DCC: variants seen among roughly 807,000 people sequenced by gnomAD.
DCC encodes netrin receptor DCC.
DCC carries 58 observed loss-of-function variants against 172.5 expected under a neutral mutation model. The observed-to-expected ratio is 0.34, with a 90% CI of 0.27 to 0.42. The LOEUF (loss-of-function observed/expected upper bound fraction) is 0.42, where lower values mean the gene tolerates loss of function less well. Among genes scored for constraint, DCC ranks in the 10% least tolerant of loss-of-function variants. DCC has a pLI of 1.00. For synonymous variants in DCC, 709 were observed against 644.5 expected, an observed-to-expected ratio of 1.10 and a Z score of -1.52; for missense variants, 1,740 against 1,791.0, an observed-to-expected ratio of 0.97 and a Z score of 0.51.
At chr18:53,165,094 T>C (rs2054896224) in intron 8 of DCC, among the ~76,000 whole-genome samples, 1 of 152,164 alleles carries the variant, frequency 6.6e-6, no homozygotes, top group South Asian at 2.1e-4. Context: ...TTTATGAGCA[T>C]CATTCAATTT....
At chr18:52,635,823 A>C (rs55744342) in intron 1 of DCC, among the ~76,000 whole-genome samples, 2 of 146,524 alleles carry the variant, frequency 1.4e-5, no homozygotes, top group Admixed American at 7.0e-5. Flanking sequence ...AACTCCCCCC[A>C]AAAAAGTCAA....
At chr18:53,177,474 C>A (rs1224560809) in intron 8 of DCC, among the ~76,000 whole-genome samples, 8 of 152,036 alleles carry the variant, frequency 5.3e-5, no homozygotes, top group African/African-American at 1.9e-4. Context: ...ACAAATAAGC[C>A]CTAAAATATA....
rs74490968 is a variant in DCC at position 53,226,879 on chromosome 18, G to A, written c.1911+11282G>A. ...ATAAAACTAAACCAAATATATATTAGTTAAGTATAGAATAGATGTCAGATA... is the reference window on the plus strand; with the variant it reads ...ATAAAACTAAACCAAATATATATTAATTAAGTATAGAATAGATGTCAGATA... On this transcript the variant is annotated intron_variant, in intron 12 of 28. Coordinates refer to ENST00000442544, the MANE Select transcript of DCC (RefSeq NM_005215.4). Among the ~76,000 whole-genome samples, 48 of 145,108 alleles carry A rather than the reference G, an allele frequency of 3.3e-4. No individual in the cohort carries two copies. The East Asian group carries it at 7.1e-3, about 21-fold the overall frequency.
chr18:52,626,785 A>C (rs1421230902), intron 1 of DCC, among the ~76,000 whole-genome samples: 1 of 152,214 alleles, frequency 6.6e-6, no homozygotes, highest in Admixed American at 6.5e-5. Context: ...AGTAATGTGT[A>C]GGTCTTGTAT....
chr18:53,465,099 T>A (rs1394741443), intron 24 of DCC, among the ~76,000 whole-genome samples: 1 of 152,140 alleles, frequency 6.6e-6, no homozygotes, highest in Non-Finnish European at 1.5e-5. Flanking sequence ...TGTTTGCTTC[T>A]ACTGTCAAAC....
intron 2 of DCC, among the ~76,000 whole-genome samples, chr18:52,862,286 T>C (rs146444777): frequency 6.6e-6 from 1 of 152,204 alleles, no homozygotes; most frequent in Non-Finnish European, 1.5e-5. Flanking sequence ...TGGAAGTTCG[T>C]CAAATATCAA....
At chr18:52,441,098 C>A (rs1011700677) in intron 1 of DCC, among the ~76,000 whole-genome samples, 2 of 152,184 alleles carry the variant, frequency 1.3e-5, no homozygotes, top group Non-Finnish European at 2.9e-5. Context: ...TCAATAATAT[C>A]TTTCTATGAT....
At chr18:53,415,141 G>A (rs1322126534) in intron 20 of DCC, among the ~76,000 whole-genome samples, 1 of 152,090 alleles carries the variant, frequency 6.6e-6, no homozygotes, top group African/African-American at 2.4e-5. Context: ...GGGCGTTTAA[G>A]GTATTTTTCA....
intron 2 of DCC, among the ~76,000 whole-genome samples, chr18:52,862,157 A>G (rs1011600475): frequency 4.6e-5 from 7 of 152,192 alleles, no homozygotes; most frequent in Non-Finnish European, 8.8e-5. Flanking sequence ...TGCTTTCCAT[A>G]TGATTTTTAC....
At chr18:52,373,693 C>G (rs1985220879) in intron 1 of DCC, among the ~76,000 whole-genome samples, 1 of 151,876 alleles carries the variant, frequency 6.6e-6, no homozygotes, top group Non-Finnish European at 1.5e-5. Flanking sequence ...GAAAGTTAAC[C>G]AAGTTTGATT....
chr18:52,414,840 T>C (rs1183222342), intron 1 of DCC, among the ~76,000 whole-genome samples: 2 of 152,216 alleles, frequency 1.3e-5, no homozygotes, highest in Non-Finnish European at 2.9e-5. Context: ...TGACATTTAA[T>C]TGGTTTATGC....
intron 5 of DCC, among the ~76,000 whole-genome samples, chr18:53,049,945 C>A (rs146518745): frequency 6.6e-6 from 1 of 152,046 alleles, no homozygotes; most frequent in Non-Finnish European, 1.5e-5. Flanking sequence ...TGGCTCATTC[C>A]GAGTCCAGAA....
chr18:52,695,017 A>G (rs769505613), intron 1 of DCC, among the ~76,000 whole-genome samples: 2 of 152,148 alleles, frequency 1.3e-5, no homozygotes, highest in Non-Finnish European at 2.9e-5. Context: ...GGTAGCCTGG[A>G]AAATCAGATT....
intron 1 of DCC, among the ~76,000 whole-genome samples, chr18:52,708,180 G>A (rs1229783987): frequency 1.3e-5 from 2 of 152,098 alleles, no homozygotes; most frequent in Admixed American, 6.6e-5. Context: ...AGTGGCTCAC[G>A]CCTGTAATCC....
At chr18:52,702,180 C>A (rs565196834) in intron 1 of DCC, among the ~76,000 whole-genome samples, 49 of 152,244 alleles carry the variant, frequency 3.2e-4, no homozygotes, top group African/African-American at 9.9e-4. Flanking sequence ...ATTCTTCAGC[C>A]TCTTTTCTTT....
At chr18:53,446,780 G>A (rs114630402) in intron 22 of DCC, among the ~76,000 whole-genome samples, 39 of 152,170 alleles carry the variant, frequency 2.6e-4, no homozygotes, top group East Asian at 9.7e-4. Flanking sequence ...CTGTCTTCTC[G>A]TTTCAGCCCC....
intron 5 of DCC, among the ~76,000 whole-genome samples, chr18:52,975,135 C>T (rs917008138): frequency 6.6e-6 from 1 of 152,126 alleles, no homozygotes; most frequent in South Asian, 2.1e-4. Flanking sequence ...CACAATAGAA[C>T]ATCACAAACT....
chr18:53,199,522 T>G (rs2055502505), intron 9 of DCC, among the ~76,000 whole-genome samples: 1 of 152,130 alleles, frequency 6.6e-6, no homozygotes, highest in Non-Finnish European at 1.5e-5. Context: ...GCTGAATAAA[T>G]GTATAAGTAT....
rs146112958 is a variant in DCC at position 52,746,836 on chromosome 18, C to T, written c.92-5218C>T. Among the ~76,000 whole-genome samples, 393 of 151,624 alleles carry T rather than the reference C, an allele frequency of 2.6e-3. 2 individuals are homozygous for T. The highest frequency in any genetic ancestry group is 0.014 in the Middle Eastern group (4 of 292). The stretch of plus-strand genomic sequence containing the variant: ...CTTAGGTCATTCCTCAAGGGTAGGC[C>T]TTCTTTTATATCCTCATCAGGAAGC... On this transcript the variant is annotated intron_variant, in intron 1 of 28. Transcript: ENST00000442544.
Sources: gnomAD v4.1 joint callset for allele counts (sites outside exome capture counted in the v4.1 genomes callset) on GRCh38, gnomAD v4.1.1 for gene constraint, MANE v1.5 for transcripts, NCBI Gene and HGNC (gene_info 2026-07-23, HGNC 2026-07-21) for gene names.